The following ITIH2 variants were observed in gnomAD, a reference collection of about 807,000 sequenced individuals.
ITIH2 encodes inter-alpha-trypsin inhibitor heavy chain 2.
Under a neutral mutation model 104.4 loss-of-function variants are expected in ITIH2, and 103 were observed. The observed-to-expected ratio is 0.99, with a 90% confidence interval of 0.84 to 1.16. The LOEUF (loss-of-function observed/expected upper bound fraction) is 1.16, where lower values mean the gene tolerates loss of function less well. Among genes scored for constraint, ITIH2 ranks in the 50% most tolerant of loss-of-function variants. The pLI is 0.00. For synonymous variants in ITIH2, 436 were observed against 435.4 expected, an observed-to-expected ratio of 1.00 and a Z score of -0.02; for missense variants, 1,108 against 1,162.4, an observed-to-expected ratio of 0.95 and a Z score of 0.68.
At position 7,749,514 on chromosome 10, in the gene ITIH2, C is replaced by T. The variant is rs1207368045; in HGVS notation, c.*180C>T. The T allele has an allele frequency of 5.8e-6, 3 of 515,014 alleles. No homozygotes were observed. Among genetic ancestry groups the T allele is most frequent in the Non-Finnish European group, 1.0e-5 (3 of 296,356 alleles). The allele number at this position is 515,014 out of a possible 1,614,324, so 31.9% of individuals were successfully genotyped here. A position where few individuals can be genotyped will look rare whatever the true frequency, so the allele number is the denominator to read the frequency against. On this transcript the variant is annotated 3_prime_UTR_variant, in exon 21 of 21. Coordinates refer to ENST00000358415, the MANE Select transcript of ITIH2 (RefSeq NM_002216.3). ...CACACCTAAGAAAATAAACATTTTA[C>T]AAATGAGCTTTTAGGATTTTGTTGC...
At chr10:7,735,730 T>C (rs1231755258) in intron 15 of ITIH2, among the ~76,000 whole-genome samples, 1 of 149,180 alleles carries the variant, frequency 6.7e-6, no homozygotes, top group Non-Finnish European at 1.5e-5. Flanking sequence ...TGGAGCACAA[T>C]GGCACGATCT....
Position 7,717,768 on chromosome 10 carries a change from C to G in ITIH2, c.610C>G (p.Arg204Gly), listed in dbSNP as rs375764473. 2.5e-6 allele frequency: 4 copies of G among 1,610,808 alleles called. No individual in the cohort carries two copies. The highest frequency in any genetic ancestry group is 1.7e-5 in the Admixed American group (1 of 59,960). The change falls in exon 6 of 21, where the codon CGG becomes GGG. Residue 204 changes from arginine (R) to glycine (G), a missense_variant. Transcript: ENST00000358415. ...GCACAGGATCTATCTGCAACCTGGA[C>G]GGCTGGCCAAACACTTAGAGGTAAG... ...YEHRIYLQPG[R>G]LAKHLEVDVW...
chr10:7,738,603 G>T lies in ITIH2; in HGVS notation c.1958-18G>T. 6.2e-7 allele frequency: 1 copy of T among 1,612,442 alleles called. No individual in the cohort carries two copies. Among genetic ancestry groups the T allele is most frequent in the Non-Finnish European group, 8.5e-7 (1 of 1,179,148 alleles). On this transcript the variant is annotated intron_variant, in intron 15 of 20. Transcript: ENST00000358415. Reference sequence around the variant, plus strand: ...AACGTAAATCTAGAAACTAACAGATGCAGGTTTGTCTACGCAGGGGCCCTG... The same window carrying T: ...AACGTAAATCTAGAAACTAACAGATTCAGGTTTGTCTACGCAGGGGCCCTG...
intron 5 of ITIH2, chr10:7,713,503 C>T: frequency 2.1e-6 from 1 of 482,216 alleles, no homozygotes. Flanking sequence ...GCTGGTTGTG[C>T]TTACATCACT....
chr10:7,746,147 C>T (rs1244215689), intron 19 of ITIH2, among the ~76,000 whole-genome samples: 1 of 132,932 alleles, frequency 7.5e-6, no homozygotes, highest in Admixed American at 7.8e-5. Flanking sequence ...CTTTGGGAGG[C>T]TGAGGTGGGT....
chr10:7,712,658 C>A (rs72781043), intron 4 of ITIH2, among the ~76,000 whole-genome samples: 2,644 of 152,218 alleles, frequency 0.017, 27 homozygotes, highest in Non-Finnish European at 0.029. Flanking sequence ...AGGATGGGAG[C>A]CTACCAAACC....
intron 15 of ITIH2, among the ~76,000 whole-genome samples, chr10:7,738,245 T>TAAA (rs1236464619): frequency 3.6e-4 from 40 of 112,548 alleles, no homozygotes; most frequent in Middle Eastern, 3.9e-3. Flanking sequence ...TTATATTCTA[T>TAAA]ATAATATTAT....
intron 1 of ITIH2, among the ~76,000 whole-genome samples, chr10:7,704,509 G>A (rs1219564722): frequency 6.6e-6 from 1 of 152,144 alleles, no homozygotes; most frequent in Non-Finnish European, 1.5e-5. Flanking sequence ...CACTGCAAAT[G>A]CCTCCAGGGT....
chr10:7,727,671 A>C lies in ITIH2; in HGVS notation c.1154-32A>C, dbSNP rs760534201. The C allele has an allele frequency of 5.6e-6, 9 of 1,611,518 alleles. No homozygotes were observed. The African/African-American group carries it at 9.3e-5, about 17-fold the overall frequency. ...GATTTTCTGCGTGTGGCGAGAACGC[A>C]TACCCAACGTTTCATTATGCTACTT... is the stretch of plus-strand genomic sequence containing the variant. On this transcript the variant is annotated intron_variant, in intron 10 of 20. Coordinates refer to ENST00000358415, the MANE Select transcript of ITIH2 (RefSeq NM_002216.3).
intron 14 of ITIH2, among the ~76,000 whole-genome samples, chr10:7,732,791 C>T (rs1588458172): frequency 6.6e-6 from 1 of 151,982 alleles, no homozygotes; most frequent in Admixed American, 6.6e-5. Context: ...GCAGTGACGC[C>T]ATCTCAGCTC....
intron 5 of ITIH2, among the ~76,000 whole-genome samples, chr10:7,717,014 C>T (rs1834856300): frequency 6.7e-6 from 1 of 149,294 alleles, no homozygotes; most frequent in African/African-American, 2.5e-5. Context: ...ATGGCGTGAT[C>T]TCGGCTCAAC....
At chr10:7,729,244 C>T (rs567473980) in intron 11 of ITIH2, among the ~76,000 whole-genome samples, 16 of 151,986 alleles carry the variant, frequency 1.1e-4, no homozygotes, top group African/African-American at 1.9e-4. Flanking sequence ...ACCCAGGAGG[C>T]GGAGGTTGCA....
chr10:7,705,211 G>GA, intron 2 of ITIH2, 29 bp downstream of exon 2: 1 of 1,384,864 alleles, frequency 7.2e-7, no homozygotes, highest in Non-Finnish European at 1.0e-6. Context: ...CCAAAAGGGG[G>GA]AAAAAAAGTG....
At position 7,720,979 on chromosome 10, in the gene ITIH2, T is replaced by C. The variant is rs2130947306; in HGVS notation, c.738+16T>C. 6.6e-7 allele frequency: 1 copy of C among 1,515,604 alleles called. No individual in the cohort carries two copies. Among genetic ancestry groups the C allele is most frequent in the Non-Finnish European group, 9.2e-7 (1 of 1,090,380 alleles). 93.9% of individuals were successfully genotyped at this position (1,515,604 alleles called of 1,614,324 possible). On this transcript the variant is annotated intron_variant, in intron 7 of 20. Coordinates refer to ENST00000358415, the MANE Select transcript of ITIH2 (RefSeq NM_002216.3). ...ACAACAGAAGGTACCCTGAGCCCTG[T>C]GTGTTGCCAGGCATTCACAGGGCCT...
At chr10:7,746,235 C>T (rs911203991) in intron 19 of ITIH2, among the ~76,000 whole-genome samples, 4 of 150,912 alleles carry the variant, frequency 2.7e-5, no homozygotes, top group East Asian at 2.0e-4. Flanking sequence ...ATTAGCCAGG[C>T]GTAGTGGCTC....
intron 15 of ITIH2, among the ~76,000 whole-genome samples, chr10:7,736,186 C>CA (rs1235889151): frequency 6.6e-6 from 1 of 151,706 alleles, no homozygotes; most frequent in Non-Finnish European, 1.5e-5. Flanking sequence ...GTCAACATAG[C>CA]AAAACCCCAT....
chr10:7,733,702 G>T (rs1835025033), intron 14 of ITIH2, among the ~76,000 whole-genome samples: 1 of 152,124 alleles, frequency 6.6e-6, no homozygotes, highest in Admixed American at 6.5e-5. Context: ...AGCAATGGAT[G>T]GTTGACCACC....
intron 15 of ITIH2, among the ~76,000 whole-genome samples, chr10:7,737,118 G>A (rs1835062298): frequency 6.6e-6 from 1 of 151,606 alleles, no homozygotes; most frequent in South Asian, 2.1e-4. Context: ...GCTTCCTGGA[G>A]GACTCTGGGG....
chr10:7,742,817 G>A (rs372947905), intron 16 of ITIH2, among the ~76,000 whole-genome samples: 2 of 152,120 alleles, frequency 1.3e-5, no homozygotes, highest in African/African-American at 4.8e-5. Flanking sequence ...TATATTTGTG[G>A]GTGCATATTT....
Sources: allele counts gnomAD v4.1 joint callset (sites outside exome capture counted in the v4.1 genomes callset), GRCh38; gene constraint gnomAD v4.1.1; transcripts MANE v1.5; gene names NCBI Gene and HGNC (gene_info 2026-07-23, HGNC 2026-07-21).